SLC38A12: variants seen among roughly 807,000 people sequenced by gnomAD.
SLC38A12 encodes putative sodium-coupled neutral amino acid transporter 12.
the SLC38A12 span, among the ~76,000 whole-genome samples, chr17:74,785,224 T>C: frequency 6.6e-6 from 1 of 152,216 alleles, no homozygotes; most frequent in Non-Finnish European, 1.5e-5. Context: ...ACGGCAATGA[T>C]GACAGCAGGA....
chr17:74,796,322 T>C, the SLC38A12 span, among the ~76,000 whole-genome samples: 1 of 152,240 alleles, frequency 6.6e-6, no homozygotes, highest in Non-Finnish European at 1.5e-5. Context: ...TATTCTCTGC[T>C]TCCTCTTGGT....
the SLC38A12 span, chr17:74,836,087 C>A: frequency 1.2e-6 from 2 of 1,613,966 alleles, no homozygotes; most frequent in Non-Finnish European, 8.5e-7. The surrounding 1 kb of genome is among the most constrained non-coding windows in gnomAD (Gnocchi z 4.2). Context: ...TTACCCCCGT[C>A]TCCTCCAAGC....
the SLC38A12 span, among the ~76,000 whole-genome samples, chr17:74,829,956 C>T: frequency 6.6e-6 from 1 of 152,204 alleles, no homozygotes; most frequent in Admixed American, 6.5e-5. This position sits in a 1 kb window ranked among gnomAD's most constrained non-coding sequence, Gnocchi z 4.1. Context: ...CCTCTCCGTA[C>T]CTGCAGCTCA....
At chr17:74,810,393 CA>C in the SLC38A12 span, among the ~76,000 whole-genome samples, 61 of 152,286 alleles carry the variant, frequency 4.0e-4, no homozygotes, top group African/African-American at 1.4e-3. Flanking sequence ...TTGGGAAGAT[CA>C]GGGGGAGCCA....
At chr17:74,836,903 C>T in the SLC38A12 span, 2 of 1,366,174 alleles carry the variant, frequency 1.5e-6, no homozygotes, top group African/African-American at 1.5e-5. This position sits in a 1 kb window ranked among gnomAD's most constrained non-coding sequence, Gnocchi z 4.2. Context: ...CCCACCAGGT[C>T]CTTCTGCCTG....
At chr17:74,835,947 C>T in the SLC38A12 span, 1 of 1,609,222 alleles carries the variant, frequency 6.2e-7, no homozygotes, top group Non-Finnish European at 8.5e-7. Context: ...CATGATTGTG[C>T]TGGCCCTGAT....
chr17:74,793,871 TC>T, the SLC38A12 span, among the ~76,000 whole-genome samples: 4 of 151,896 alleles, frequency 2.6e-5, no homozygotes, highest in Admixed American at 1.3e-4. Flanking sequence ...CTTAGTCTTT[TC>T]CCCCCCAGGC....
chr17:74,827,516 G>A, the SLC38A12 span, among the ~76,000 whole-genome samples: 9 of 151,938 alleles, frequency 5.9e-5, no homozygotes, highest in African/African-American at 1.9e-4. The surrounding 1 kb of genome is among the most constrained non-coding windows in gnomAD (Gnocchi z 4.7). Context: ...GGCTGGTCTC[G>A]AACTCCTGAC....
At chr17:74,826,425 C>T in the SLC38A12 span, among the ~76,000 whole-genome samples, 26 of 152,324 alleles carry the variant, frequency 1.7e-4, no homozygotes, top group African/African-American at 5.8e-4. Context: ...CCTCTTCTCC[C>T]GGGGTGAGGA....
chr17:74,815,962 C>G, the SLC38A12 span, among the ~76,000 whole-genome samples: 2 of 152,202 alleles, frequency 1.3e-5, no homozygotes, highest in Non-Finnish European at 2.9e-5. Flanking sequence ...AATCTCCAGG[C>G]ACAGCCCACA....
At chr17:74,789,568 G>A in the SLC38A12 span, among the ~76,000 whole-genome samples, 3 of 149,762 alleles carry the variant, frequency 2.0e-5, no homozygotes, top group African/African-American at 4.9e-5. Flanking sequence ...AAAAGAGGCC[G>A]GGCACAGTGG....
chr17:74,783,762 G>T, the SLC38A12 span, among the ~76,000 whole-genome samples: 2,721 of 121,294 alleles, frequency 0.022, 96 homozygotes, highest in African/African-American at 0.084. Flanking sequence ...ACGGAGTCTC[G>T]CTCTGTTGCC....
the SLC38A12 span, chr17:74,795,722 T>C: frequency 9.9e-7 from 1 of 1,014,210 alleles, no homozygotes; most frequent in South Asian, 1.4e-5. Context: ...GTAGAATCCT[T>C]TCCCCAGAGA....
the SLC38A12 span, chr17:74,795,085 G>A: frequency 4.7e-4 from 758 of 1,614,114 alleles, 1 homozygote; most frequent in Non-Finnish European, 5.6e-4. Flanking sequence ...CTGCTGCCGT[G>A]CCCTTCTCCC....
the SLC38A12 span, among the ~76,000 whole-genome samples, chr17:74,795,909 A>C: frequency 2.6e-5 from 4 of 152,280 alleles, no homozygotes; most frequent in East Asian, 7.7e-4. Flanking sequence ...GACTGTTGTA[A>C]ACTTAGCTCA....
At chr17:74,777,340 G>A in the SLC38A12 span, 1 of 1,614,228 alleles carries the variant, frequency 6.2e-7, no homozygotes, top group Non-Finnish European at 8.5e-7. Context: ...AATGGCGGGT[G>A]AAATTACAGA....
At chr17:74,776,829 T>C in the SLC38A12 span, among the ~76,000 whole-genome samples, 14 of 151,884 alleles carry the variant, frequency 9.2e-5, no homozygotes, top group African/African-American at 2.4e-5. Context: ...GGAAGGGCAA[T>C]GTAGGAAAGC....
the SLC38A12 span, among the ~76,000 whole-genome samples, chr17:74,799,193 G>A: frequency 1.3e-5 from 2 of 152,252 alleles, no homozygotes; most frequent in Middle Eastern, 3.4e-3. Context: ...CCCAAGTGCT[G>A]AAAGCCTCTG....
chr17:74,790,900 CTG>C, the SLC38A12 span: 1 of 1,558,104 alleles, frequency 6.4e-7, no homozygotes, highest in Non-Finnish European at 8.8e-7. Context: ...TCACCACCCT[CTG>C]AAGCTCTCCA....
Sources: gnomAD v4.1 joint callset for allele counts (sites outside exome capture counted in the v4.1 genomes callset) on GRCh38, gnomAD v4.1.1 for gene constraint, Gnocchi (gnomAD v3.1) non-coding constraint, MANE v1.5 for transcripts, NCBI Gene and HGNC (gene_info 2026-07-23, HGNC 2026-07-21) for gene names.